Variants in TSHZ1 observed in about 807,000 individuals in gnomAD.
TSHZ1 encodes teashirt homolog 1.
A neutral mutation model predicts 67.1 loss-of-function variants in TSHZ1; 12 were observed. That is an observed-to-expected ratio of 0.18 (90% CI 0.11 to 0.29). The LOEUF is 0.29. Among genes scored for constraint, TSHZ1 ranks in the 10% least tolerant of loss-of-function variants. TSHZ1 has a pLI of 1.00. For missense variants in TSHZ1, 1,305 were observed against 1,413.9 expected, an observed-to-expected ratio of 0.92 and a Z score of 1.23; for synonymous variants, 632 against 622.4, an observed-to-expected ratio of 1.02 and a Z score of -0.23.
intron 1 of TSHZ1, among the ~76,000 whole-genome samples, chr18:75,225,908 G>GT (rs1352914950): frequency 2.0e-5 from 3 of 152,096 alleles, no homozygotes; most frequent in Non-Finnish European, 4.4e-5. Flanking sequence ...ACTTTGCCCT[G>GT]TTTTTGTGTA....
chr18:75,213,026 C>T (rs112156127), intron 1 of TSHZ1, among the ~76,000 whole-genome samples: 19 of 152,246 alleles, frequency 1.2e-4, no homozygotes, highest in African/African-American at 4.3e-4. Context: ...TAAACATGAG[C>T]GACTCTTTAG....
chr18:75,231,122 C>T (rs1250989142), intron 1 of TSHZ1, among the ~76,000 whole-genome samples: 1 of 152,196 alleles, frequency 6.6e-6, no homozygotes, highest in Non-Finnish European at 1.5e-5. Flanking sequence ...AGGGTGGGAA[C>T]TGTGCGTGGG....
intron 1 of TSHZ1, among the ~76,000 whole-genome samples, chr18:75,231,635 A>G (rs894212049): frequency 6.7e-6 from 1 of 148,522 alleles, no homozygotes; most frequent in Non-Finnish European, 1.5e-5. Flanking sequence ...CCTGGGTTCA[A>G]GCGATTCTCC....
intron 1 of TSHZ1, among the ~76,000 whole-genome samples, chr18:75,272,031 G>A (rs1418671852): frequency 6.6e-6 from 1 of 152,198 alleles, no homozygotes; most frequent in Non-Finnish European, 1.5e-5. Context: ...ATTTGTATAA[G>A]TAATGGAAAC....
In TSHZ1 at chr18:75,287,830, A is replaced by G; in HGVS notation, c.2423A>G (p.Gln808Arg). ...CGCTACTATTATGAAAACAGCGACC[A>G]GCCCATTGACTTAACCAAGTCCAAG... is the stretch of plus-strand genomic sequence containing the variant. Reference protein sequence around the residue: ...IDRYYYENSDQPIDLTKSKNK... With the variant: ...IDRYYYENSDRPIDLTKSKNK... The change falls in exon 2 of 2, where the codon CAG (glutamine) becomes CGG (arginine). Residue 808 changes from glutamine to arginine, a missense_variant. Transcript: ENST00000580243. The surrounding 1 kb of genome is among the most constrained non-coding windows in gnomAD (Gnocchi z 5.0). 3.7e-6 allele frequency: 6 copies of G among 1,614,134 alleles called. No individual in the cohort carries two copies. The highest frequency in any genetic ancestry group is 1.1e-5 in the South Asian group (1 of 91,088).
Position 75,250,507 on chromosome 18 carries a change from G to A in TSHZ1, c.41-34941G>A, listed in dbSNP as rs77943169. 4.9e-4 allele frequency among the ~76,000 whole-genome samples: 74 copies of A among 152,318 alleles called. 4 individuals are homozygous for A. The East Asian group carries it at 0.014, about 29-fold the overall frequency. On this transcript the variant is annotated intron_variant, in intron 1 of 1. Transcript: ENST00000580243. ...CCCTCCCCGCGTGGACGTGGACGGG[G>A]CGGTGCGGGCTGGCCCAGGGTCCGG...
intron 1 of TSHZ1, among the ~76,000 whole-genome samples, chr18:75,251,106 C>G (rs546601767): frequency 6.6e-6 from 1 of 152,152 alleles, no homozygotes; most frequent in African/African-American, 2.4e-5. Flanking sequence ...CTGGTAAAGT[C>G]AATTACTGAA....
chr18:75,254,509 C>T (rs1458831722), intron 1 of TSHZ1, among the ~76,000 whole-genome samples: 1 of 152,124 alleles, frequency 6.6e-6, no homozygotes, highest in Non-Finnish European at 1.5e-5. Context: ...TCCAGGTTGT[C>T]AATCATTATT....
intron 1 of TSHZ1, among the ~76,000 whole-genome samples, chr18:75,213,364 A>G (rs2022723752): frequency 6.6e-6 from 1 of 152,264 alleles, no homozygotes; most frequent in African/African-American, 2.4e-5. Context: ...CAAAGAGAGT[A>G]TCTATGCCAC....
intron 1 of TSHZ1, among the ~76,000 whole-genome samples, chr18:75,230,264 G>A (rs935878571): frequency 2.0e-5 from 3 of 152,182 alleles, no homozygotes; most frequent in African/African-American, 4.8e-5. Flanking sequence ...AAGCTGTTTG[G>A]TGATGAGAAA....
intron 1 of TSHZ1, among the ~76,000 whole-genome samples, chr18:75,246,424 G>A (rs1054045573): frequency 1.3e-4 from 20 of 150,308 alleles, no homozygotes; most frequent in African/African-American, 4.7e-4. Context: ...GTGTGTGTGT[G>A]TGTGTGTGTG....
chr18:75,232,143 C>G (rs1308136112), intron 1 of TSHZ1, among the ~76,000 whole-genome samples: 2 of 150,574 alleles, frequency 1.3e-5, no homozygotes, highest in Middle Eastern at 3.2e-3. Context: ...GAACTCCTGA[C>G]CTTGGGCGAT....
At chr18:75,272,079 T>C (rs2122596908) in intron 1 of TSHZ1, among the ~76,000 whole-genome samples, 1 of 152,308 alleles carries the variant, frequency 6.6e-6, no homozygotes, top group African/African-American at 2.4e-5. Context: ...CCAGCAGGGA[T>C]GAAAATGAAC....
At chr18:75,280,777 A>G (rs2023675191) in intron 1 of TSHZ1, 3 of 985,356 alleles carry the variant, frequency 3.0e-6, no homozygotes, top group Non-Finnish European at 3.6e-6. Flanking sequence ...GTGTGAGCTG[A>G]GTGAAAGAAG....
chr18:75,220,461 A>G (rs1474856419), intron 1 of TSHZ1, among the ~76,000 whole-genome samples: 1 of 152,188 alleles, frequency 6.6e-6, no homozygotes, highest in African/African-American at 2.4e-5. Flanking sequence ...AAAGAGGATC[A>G]TTTCTTGAGA....
At chr18:75,261,655 A>G (rs1433182373) in intron 1 of TSHZ1, among the ~76,000 whole-genome samples, 1 of 152,234 alleles carries the variant, frequency 6.6e-6, no homozygotes, top group Non-Finnish European at 1.5e-5. Flanking sequence ...CTCATTTCAT[A>G]GTTACATAGT....
In TSHZ1 at chr18:75,220,359, T is replaced by C. The variant is rs1477430752; in HGVS notation, c.40+8443T>C. On this transcript the variant is annotated intron_variant, in intron 1 of 1. Coordinates refer to ENST00000580243, the MANE Select transcript of TSHZ1 (RefSeq NM_001308210.2). ...CTGGAGAAATATATTGTTAAATTTA[T>C]GTACTTAGAAAAACCTAACAGTGTG... Among the ~76,000 whole-genome samples the C allele has an allele frequency of 2.0e-5, 3 of 152,218 alleles. No individual in the cohort carries two copies. The East Asian group carries it at 5.8e-4, about 29-fold the overall frequency.
intron 1 of TSHZ1, among the ~76,000 whole-genome samples, chr18:75,226,969 C>A (rs1385993677): frequency 6.6e-6 from 1 of 151,906 alleles, no homozygotes; most frequent in Non-Finnish European, 1.5e-5. Flanking sequence ...GTTCTGAGAC[C>A]CAAAGGAGTG....
intron 1 of TSHZ1, among the ~76,000 whole-genome samples, chr18:75,213,543 T>C (rs899672293): frequency 2.0e-5 from 3 of 152,236 alleles, no homozygotes; most frequent in Non-Finnish European, 2.9e-5. Context: ...TTAAGAACTT[T>C]TGCAGTTAAA....
Sources: gnomAD v4.1 joint callset for allele counts (sites outside exome capture counted in the v4.1 genomes callset) on GRCh38, gnomAD v4.1.1 for gene constraint, Gnocchi (gnomAD v3.1) non-coding constraint, MANE v1.5 for transcripts, NCBI Gene and HGNC (gene_info 2026-07-23, HGNC 2026-07-21) for gene names.